Variants in WDR72 observed in about 807,000 individuals in gnomAD.
WDR72 encodes the protein WD repeat domain 72, also known as WD repeat-containing protein 72.
A neutral mutation model predicts 124.2 loss-of-function variants in WDR72; 120 were observed. The ratio of observed to expected loss-of-function variants is 0.97; its 90% confidence interval spans 0.83 to 1.12. The LOEUF (loss-of-function observed/expected upper bound fraction) is 1.12. Ranked by LOEUF, WDR72 falls within the 50% of genes most tolerant of loss-of-function variation. The pLI is 0.00. For synonymous variants in WDR72, 452 were observed against 441.7 expected (o/e 1.02, Z -0.29); for missense variants, 1,387 against 1,278.8 (o/e 1.08, Z -1.29).
intron 16 of WDR72, 34 bp downstream of exon 16, chr15:53,613,632 A>T (rs973223980): frequency 9.5e-6 from 14 of 1,470,704 alleles, no homozygotes; most frequent in Non-Finnish European, 1.0e-5. Flanking sequence ...AGAAAAAAAA[A>T]ATCAGATCAT....
At chr15:53,635,809 C>A (rs543560950) in intron 14 of WDR72, among the ~76,000 whole-genome samples, 50 of 151,966 alleles carry the variant, frequency 3.3e-4, no homozygotes, top group Non-Finnish European at 5.7e-4. Context: ...ACCCAGGTAG[C>A]AAACCTGTGC....
chr15:53,684,590 A>G, intron 13 of WDR72: 1 of 157,720 alleles, frequency 6.3e-6, no homozygotes, highest in Non-Finnish European at 1.4e-5. Flanking sequence ...TTGCTAGCAC[A>G]GCAGTCTGAG....
chr15:53,551,184 G>T (rs549818636), intron 18 of WDR72, among the ~76,000 whole-genome samples: 1 of 152,264 alleles, frequency 6.6e-6, no homozygotes, highest in East Asian at 1.9e-4. Flanking sequence ...TCTGGGGAAT[G>T]GAGGATGGCC....
chr15:53,608,738 A>G (rs2013398495), intron 17 of WDR72, among the ~76,000 whole-genome samples: 1 of 134,254 alleles, frequency 7.4e-6, no homozygotes, highest in South Asian at 2.6e-4. Context: ...ACTGGGTGAC[A>G]GAGCGAGATC....
intron 13 of WDR72, among the ~76,000 whole-genome samples, chr15:53,694,922 G>A (rs1310775450): frequency 6.6e-6 from 1 of 152,174 alleles, no homozygotes; most frequent in Non-Finnish European, 1.5e-5. Flanking sequence ...CCTGCTGCCT[G>A]TTGTTGTAAG....
At chr15:53,584,597 C>A (rs911229435) in intron 18 of WDR72, among the ~76,000 whole-genome samples, 8 of 152,042 alleles carry the variant, frequency 5.3e-5, no homozygotes, top group African/African-American at 1.9e-4. Context: ...GGTTTCTTTG[C>A]ACCTCCTGCT....
chr15:53,736,870 A>G (rs955782210), intron 1 of WDR72, among the ~76,000 whole-genome samples: 2 of 152,168 alleles, frequency 1.3e-5, no homozygotes, highest in Admixed American at 1.3e-4. Context: ...TTGCTTATTT[A>G]TAACAGGAAT....
At chr15:53,661,223 T>C (rs2015599304) in intron 14 of WDR72, among the ~76,000 whole-genome samples, 1 of 152,190 alleles carries the variant, frequency 6.6e-6, no homozygotes, top group African/African-American at 2.4e-5. Flanking sequence ...TACCTGATGC[T>C]GAGTAATATA....
intron 9 of WDR72, among the ~76,000 whole-genome samples, chr15:53,708,970 G>T (rs2017460672): frequency 6.6e-6 from 1 of 152,194 alleles, no homozygotes; most frequent in Non-Finnish European, 1.5e-5. Flanking sequence ...CAGCAGATAT[G>T]TACATGGGCA....
At chr15:53,754,759 G>C (rs1490851671) in intron 1 of WDR72, among the ~76,000 whole-genome samples, 4 of 152,116 alleles carry the variant, frequency 2.6e-5, no homozygotes, top group Admixed American at 2.0e-4. Context: ...AGAGAGCACA[G>C]CAAGGGCAAC....
At chr15:53,712,253 A>G (rs1018904730) in intron 7 of WDR72, among the ~76,000 whole-genome samples, 3 of 152,166 alleles carry the variant, frequency 2.0e-5, no homozygotes, top group Non-Finnish European at 4.4e-5. Context: ...ATATACCATG[A>G]TATTAAATAT....
chr15:53,662,008 A>C (rs1471680545), intron 14 of WDR72, among the ~76,000 whole-genome samples: 3 of 152,204 alleles, frequency 2.0e-5, no homozygotes, highest in African/African-American at 7.2e-5. Context: ...AAAAGCAACT[A>C]ACCAACCAAC....
At chr15:53,751,775 G>A (rs539127020) in intron 1 of WDR72, among the ~76,000 whole-genome samples, 136 of 152,208 alleles carry the variant, frequency 8.9e-4, no homozygotes, top group Non-Finnish European at 1.5e-3. Context: ...AGCATGTACC[G>A]GTGGGTCAGG....
chr15:53,632,675 G>A (rs549647544), intron 14 of WDR72, among the ~76,000 whole-genome samples: 2 of 152,246 alleles, frequency 1.3e-5, no homozygotes, highest in Admixed American at 6.5e-5. Context: ...AAGCCACAGG[G>A]GTGAAGCGGC....
chr15:53,611,642 A>C (rs1485448380), intron 16 of WDR72, among the ~76,000 whole-genome samples: 2 of 152,076 alleles, frequency 1.3e-5, no homozygotes, highest in Admixed American at 1.3e-4. Flanking sequence ...GACACAGTGG[A>C]CAGGAAATGG....
chr15:53,732,847 C>A, intron 2 of WDR72, 150 bp downstream of exon 2: 1 of 933,454 alleles, frequency 1.1e-6, no homozygotes, highest in Non-Finnish European at 1.7e-6. Flanking sequence ...ACTTTATTTT[C>A]TCAAAATTCA....
chr15:53,736,807 C>A (rs1442992592), intron 1 of WDR72, among the ~76,000 whole-genome samples: 1 of 151,966 alleles, frequency 6.6e-6, no homozygotes, highest in Non-Finnish European at 1.5e-5. Context: ...GACAGGGTAG[C>A]ACGTTTACAG....
chr15:53,704,012 G>A (rs192940233), intron 11 of WDR72, among the ~76,000 whole-genome samples: 1 of 152,174 alleles, frequency 6.6e-6, no homozygotes. Context: ...CTGTATACCA[G>A]TACATTACCT....
intron 13 of WDR72, among the ~76,000 whole-genome samples, chr15:53,679,428 G>C (rs1386368249): frequency 6.6e-6 from 1 of 152,154 alleles, no homozygotes; most frequent in African/African-American, 2.4e-5. Context: ...AGAAAACTTT[G>C]AGAATAAACC....
Sources: allele counts gnomAD v4.1 joint callset (sites outside exome capture counted in the v4.1 genomes callset), GRCh38; gene constraint gnomAD v4.1.1; transcripts MANE v1.5; gene names NCBI Gene and HGNC (gene_info 2026-07-23, HGNC 2026-07-21).